PRLR: variants seen among roughly 807,000 people sequenced by gnomAD.
PRLR encodes the protein prolactin receptor, also known as hPRL receptor.
Under a neutral mutation model 40.2 loss-of-function variants are expected in PRLR, and 13 were observed. The ratio of observed to expected loss-of-function variants is 0.32; its 90% confidence interval spans 0.21 to 0.51. PRLR has a LOEUF of 0.51. Ranked by LOEUF, PRLR falls within the 20% of genes least tolerant of loss-of-function variation. The pLI, the probability that PRLR is intolerant of heterozygous loss-of-function variation, is 0.97. For missense variants in PRLR, 656 were observed against 747.3 expected (o/e 0.88, Z 1.42); for synonymous variants, 269 against 278.7 (o/e 0.97, Z 0.35).
downstream of PRLR, among the ~76,000 whole-genome samples, chr5:35,051,046 G>GAA (rs899988353): frequency 1.2e-4 from 18 of 152,266 alleles, no homozygotes; most frequent in African/African-American, 4.3e-4. Context: ...TGATTTTCTT[G>GAA]AAAAATAATG....
chr5:35,051,953 TA>T (rs1358057121), downstream of PRLR, among the ~76,000 whole-genome samples: 8 of 152,188 alleles, frequency 5.3e-5, no homozygotes. Flanking sequence ...GTGACCATTA[TA>T]AATAAAGGGG....
In PRLR at chr5:35,090,784, A is replaced by G. The variant is rs532542521; in HGVS notation, c.-43-1121T>C. On this transcript the variant is annotated intron_variant, in intron 2 of 9. Coordinates refer to ENST00000618457, the MANE Select transcript of PRLR (RefSeq NM_000949.7). ...AGGTTTGGGCACCCAGGTACCATCA[A>G]TTAGCTCTTTTTTTTTTTTTTTTTT... 9.6e-5 allele frequency among the ~76,000 whole-genome samples: 13 copies of G among 135,058 alleles called. No individual in the cohort carries two copies. The South Asian group carries it at 3.2e-3, about 33-fold the overall frequency. The allele number at this position is 135,058 out of a possible 152,430, so 88.6% of individuals were successfully genotyped here. A position where few individuals can be genotyped will look rare whatever the true frequency, so the allele number is the denominator to read the frequency against.
intron 1 of PRLR, among the ~76,000 whole-genome samples, chr5:35,174,398 T>C (rs1464404171): frequency 3.3e-5 from 5 of 152,132 alleles, no homozygotes; most frequent in Admixed American, 3.3e-4. Context: ...ACACTTTGGG[T>C]TTTTTTCTAC....
chr5:35,180,393 TA>T (rs1775261862), intron 1 of PRLR, among the ~76,000 whole-genome samples: 1 of 152,118 alleles, frequency 6.6e-6, no homozygotes, highest in Non-Finnish European at 1.5e-5. Flanking sequence ...TGTAGTTGTT[TA>T]AAAGTGTGTG....
intron 1 of PRLR, among the ~76,000 whole-genome samples, chr5:35,155,088 GCA>G (rs978639134): frequency 7.4e-5 from 11 of 148,574 alleles, no homozygotes; most frequent in African/African-American, 2.6e-4. Context: ...AACCACCACG[GCA>G]CATGTTTACC....
rs528581201 is a variant in PRLR at position 35,172,221 on chromosome 5, G to C, written c.-105-54099C>G. ...GACTGCAGGCATGACAGGGCCGTGA[G>C]CTGGAAGACCTGCCCAATGTCTTCC... is the stretch of plus-strand genomic sequence containing the variant. On this transcript the variant is annotated intron_variant, in intron 1 of 9. Transcript: ENST00000618457. 2.6e-5 allele frequency among the ~76,000 whole-genome samples: 4 copies of C among 152,344 alleles called. No homozygotes were observed. In the South Asian group the frequency reaches 8.3e-4, roughly 32 times the overall value.
At chr5:35,052,211 C>A (rs1768518434), downstream of PRLR, among the ~76,000 whole-genome samples, 1 of 152,054 alleles carries the variant, frequency 6.6e-6, no homozygotes, top group Non-Finnish European at 1.5e-5. Flanking sequence ...CAAATTGAAC[C>A]TAATAATGTT....
chr5:35,192,796 G>C (rs371463263), intron 1 of PRLR, among the ~76,000 whole-genome samples: 1 of 152,192 alleles, frequency 6.6e-6, no homozygotes, highest in Non-Finnish European at 1.5e-5. Flanking sequence ...TTTTGGATAC[G>C]GAAAGCTTAA....
At chr5:35,124,115 A>G (rs1162646496) in intron 1 of PRLR, among the ~76,000 whole-genome samples, 1 of 152,200 alleles carries the variant, frequency 6.6e-6, no homozygotes, top group Non-Finnish European at 1.5e-5. Flanking sequence ...ATAGTCATCA[A>G]AAAAATGTAT....
intron 2 of PRLR, among the ~76,000 whole-genome samples, chr5:35,100,317 A>C (rs1228503781): frequency 6.6e-6 from 1 of 152,212 alleles, no homozygotes; most frequent in Non-Finnish European, 1.5e-5. Context: ...TACAGTGTAT[A>C]TAAAGTCCAC....
intron 1 of PRLR, among the ~76,000 whole-genome samples, chr5:35,170,198 C>T (rs1579759351): frequency 6.6e-6 from 1 of 152,024 alleles, no homozygotes; most frequent in African/African-American, 2.4e-5. Context: ...TATAAGCAGC[C>T]GTGTGTACAC....
intron 5 of PRLR, among the ~76,000 whole-genome samples, chr5:35,082,801 C>T (rs1475175463): frequency 3.9e-5 from 6 of 152,132 alleles, no homozygotes; most frequent in Non-Finnish European, 7.3e-5. Flanking sequence ...ACACTGTAGG[C>T]TGCAGGGTTA....
At chr5:35,052,791 A>G (rs10941231), downstream of PRLR, among the ~76,000 whole-genome samples, 45,378 of 152,034 alleles carry the variant, frequency 0.3, 6,861 homozygotes, top group Admixed American at 0.31. Context: ...CAGAGAGGCT[A>G]AGAAAAATCT....
intron 2 of PRLR, among the ~76,000 whole-genome samples, chr5:35,117,605 G>C (rs1773102794): frequency 6.6e-6 from 1 of 152,218 alleles, no homozygotes; most frequent in Non-Finnish European, 1.5e-5. Context: ...TGCCATGAGG[G>C]CTGGGAGGAA....
intron 1 of PRLR, among the ~76,000 whole-genome samples, chr5:35,197,272 T>C (rs1579792322): frequency 6.6e-6 from 1 of 152,224 alleles, no homozygotes; most frequent in Non-Finnish European, 1.5e-5. Context: ...TGTTTGGCTA[T>C]AGGATTTCGG....
chr5:35,141,519 G>A (rs894521191), intron 1 of PRLR, among the ~76,000 whole-genome samples: 1 of 152,082 alleles, frequency 6.6e-6, no homozygotes. Context: ...TCCCACAGCC[G>A]GTTACTGGCA....
rs1330648560 is a variant in PRLR at position 35,063,539 on chromosome 5, C to T, written c.*1550G>A. ...TGACCGGGAGATTCTCATTACCTTACTCTGACCTTTGGAGCTATTCCCATT... is the reference window on the plus strand; with the variant it reads ...TGACCGGGAGATTCTCATTACCTTATTCTGACCTTTGGAGCTATTCCCATT... On this transcript the variant is annotated 3_prime_UTR_variant, in exon 10 of 10. Coordinates refer to ENST00000618457, the MANE Select transcript of PRLR (RefSeq NM_000949.7). 6.6e-6 allele frequency: 1 copy of T among 152,332 alleles called. No individual in the cohort carries two copies. Among genetic ancestry groups the T allele is most frequent in the African/African-American group, 2.4e-5 (1 of 41,570 alleles). 9.4% of individuals were successfully genotyped at this position (152,332 alleles called of 1,614,324 possible).
At chr5:35,079,010 C>T (rs1049780272) in intron 5 of PRLR, among the ~76,000 whole-genome samples, 2 of 152,064 alleles carry the variant, frequency 1.3e-5, no homozygotes, top group East Asian at 1.9e-4. Context: ...ATTCAACAGC[C>T]TTCATGCTAA....
At chr5:35,124,473 C>T (rs1180084035) in intron 1 of PRLR, among the ~76,000 whole-genome samples, 2 of 152,164 alleles carry the variant, frequency 1.3e-5, no homozygotes, top group African/African-American at 2.4e-5. Flanking sequence ...AATGCTATGA[C>T]TGTAGGAGGC....
Sources: gnomAD v4.1 joint callset for allele counts (sites outside exome capture counted in the v4.1 genomes callset) on GRCh38, gnomAD v4.1.1 for gene constraint, MANE v1.5 for transcripts, NCBI Gene and HGNC (gene_info 2026-07-23, HGNC 2026-07-21) for gene names.